The following GNA14 variants were observed in gnomAD, a reference collection of about 807,000 sequenced individuals.
GNA14 encodes the protein G protein subunit alpha 14, also known as guanine nucleotide-binding protein subunit alpha-14.
GNA14 carries 50 observed loss-of-function variants against 42.0 expected under a neutral mutation model. The ratio of observed to expected loss-of-function variants is 1.19; its 90% confidence interval spans 0.95 to 1.51. GNA14 has a LOEUF of 1.51. Ranked by LOEUF, GNA14 falls within the 40% of genes most tolerant of loss-of-function variation. The probability of loss-of-function intolerance (pLI) is 0.00; values close to 1 mark genes in which losing one functional copy is unlikely to be tolerated. For synonymous variants in GNA14, 173 were observed against 163.1 expected (o/e 1.06, Z -0.46); for missense variants, 473 against 446.2 (o/e 1.06, Z -0.54).
chr9:77,545,127 G>A (rs1837705159), intron 1 of GNA14, among the ~76,000 whole-genome samples: 1 of 152,178 alleles, frequency 6.6e-6, no homozygotes, highest in African/African-American at 2.4e-5. Flanking sequence ...AATAAGGCAG[G>A]CACAAAGATG....
At position 77,491,295 on chromosome 9, in the gene GNA14, A is replaced by T. The variant is rs1029735210; in HGVS notation, c.309+37774T>A. On this transcript the variant is annotated intron_variant, in intron 2 of 6. Transcript: ENST00000341700. ...AAAATCCACTGATAAAATTAAGTAC[A>T]TGGACAAATGCAGAATAATACTGTA... is the stretch of plus-strand genomic sequence containing the variant. 2.6e-5 allele frequency among the ~76,000 whole-genome samples: 4 copies of T among 152,374 alleles called. No individual in the cohort carries two copies. In the South Asian group the frequency reaches 8.3e-4, roughly 32 times the overall value.
intron 1 of GNA14, among the ~76,000 whole-genome samples, chr9:77,556,629 C>G (rs1014998984): frequency 6.6e-6 from 1 of 152,152 alleles, no homozygotes; most frequent in Admixed American, 6.5e-5. Flanking sequence ...ACTGTGTGCT[C>G]AGAGTTCTCC....
intron 2 of GNA14, among the ~76,000 whole-genome samples, chr9:77,484,509 C>A (rs1836621557): frequency 6.6e-6 from 1 of 151,916 alleles, no homozygotes; most frequent in South Asian, 2.1e-4. Flanking sequence ...GGTGTGGGTG[C>A]TGTAGGCAGG....
At chr9:77,467,329 C>T (rs542479279) in intron 2 of GNA14, among the ~76,000 whole-genome samples, 1 of 152,080 alleles carries the variant, frequency 6.6e-6, no homozygotes, top group South Asian at 2.1e-4. Flanking sequence ...AATAAATCTA[C>T]ATGTTACTGA....
At chr9:77,486,037 A>C (rs1275199403) in intron 2 of GNA14, among the ~76,000 whole-genome samples, 3 of 152,156 alleles carry the variant, frequency 2.0e-5, no homozygotes, top group Non-Finnish European at 4.4e-5. Context: ...GAAGCACTGA[A>C]CCCAGGCATT....
In GNA14 at chr9:77,610,505, C is replaced by T. The variant is rs114764399; in HGVS notation, c.124+37165G>A. Among the ~76,000 whole-genome samples, 343 of 152,234 alleles carry T rather than the reference C, an allele frequency of 2.3e-3. 2 individuals carry two copies. The highest frequency in any genetic ancestry group is 7.4e-3 in the African/African-American group (309 of 41,532). On this transcript the variant is annotated intron_variant, in intron 1 of 6. Transcript: ENST00000341700. ...GAGCACTAATTCCATTGGACCATGG[C>T]CTCATCTCCATGACTTCATCTAACC...
chr9:77,596,320 GAC>G (rs1327783091), intron 1 of GNA14, among the ~76,000 whole-genome samples: 3 of 152,124 alleles, frequency 2.0e-5, no homozygotes, highest in Non-Finnish European at 4.4e-5. Context: ...TTCAAAGGAT[GAC>G]AGTGTTTTAC....
intron 2 of GNA14, among the ~76,000 whole-genome samples, chr9:77,498,373 C>CAAAAAAAAAAAAAAAAAAA (rs766816001): frequency 9.2e-5 from 5 of 54,116 alleles, no homozygotes; most frequent in Non-Finnish European, 1.8e-4. Context: ...AAGTCTGTCT[C>CAAAAAAAAAAAAAAAAAAA]AAAAAAAAAA....
intron 1 of GNA14, among the ~76,000 whole-genome samples, chr9:77,582,333 C>A (rs1266468258): frequency 6.6e-6 from 1 of 152,142 alleles, no homozygotes; most frequent in Non-Finnish European, 1.5e-5. Context: ...AACTCACTAG[C>A]CTTCCACCTT....
chr9:77,437,589 G>A (rs1835659349), intron 2 of GNA14, among the ~76,000 whole-genome samples: 1 of 150,326 alleles, frequency 6.7e-6, no homozygotes, highest in Non-Finnish European at 1.5e-5. Flanking sequence ...AGGAAGGGAA[G>A]GGAAGGGAAG....
At chr9:77,498,771 T>C (rs1836917759) in intron 2 of GNA14, among the ~76,000 whole-genome samples, 2 of 152,148 alleles carry the variant, frequency 1.3e-5, no homozygotes, top group Non-Finnish European at 2.9e-5. Context: ...GTGATGACCA[T>C]TTTCGGAGCC....
rs1835441848 is a variant in GNA14, at chr9:77,425,634, A to G, written c.805T>C (p.Leu269=). The change falls in exon 6 of 7, where the codon TTG becomes CTG. Residue 269 remains leucine (L), a synonymous_variant. Transcript: ENST00000341700. The part of the protein sequence containing the change: ...WFLNSSVILF[L]NKKDLLEEKI... ...TCTTCCAAAAGATCCTTCTTGTTCAAGAATAAAATCACAGACGAATTCAGA... is the reference window on the plus strand; with the variant it reads ...TCTTCCAAAAGATCCTTCTTGTTCAGGAATAAAATCACAGACGAATTCAGA... 6.2e-7 allele frequency: 1 copy of G among 1,609,480 alleles called. No homozygotes were observed. The highest frequency in any genetic ancestry group is 8.5e-7 in the Non-Finnish European group (1 of 1,175,796).
At chr9:77,436,004 C>T (rs546052127) in intron 2 of GNA14, among the ~76,000 whole-genome samples, 16 of 152,262 alleles carry the variant, frequency 1.1e-4, no homozygotes, top group South Asian at 8.3e-4. Flanking sequence ...CAAGTGTAGA[C>T]GGTACCTCCT....
rs1008717311 is a variant in GNA14, at chr9:77,626,154, A to C, written c.124+21516T>G. On this transcript the variant is annotated intron_variant, in intron 1 of 6. Coordinates refer to ENST00000341700, the MANE Select transcript of GNA14 (RefSeq NM_004297.4). The stretch of plus-strand genomic sequence containing the variant: ...CAAAAGAGACAAATAAGGGCATTAC[A>C]TAATGGTAAAGGGATCAATGCAAAA... Among the ~76,000 whole-genome samples the C allele has an allele frequency of 8.5e-5, 13 of 152,366 alleles. No individual in the cohort carries two copies. In the East Asian group the frequency reaches 1.9e-3, roughly 23 times the overall value.
At chr9:77,492,150 A>G (rs2377916) in intron 2 of GNA14, among the ~76,000 whole-genome samples, 44,916 of 151,976 alleles carry the variant, frequency 0.3, 6,858 homozygotes, top group East Asian at 0.48. Flanking sequence ...TATGTGATAC[A>G]GCAAAAGCAG....
chr9:77,460,180 C>T (rs920371068), intron 2 of GNA14, among the ~76,000 whole-genome samples: 7 of 152,090 alleles, frequency 4.6e-5, no homozygotes, highest in East Asian at 1.9e-4. Flanking sequence ...CATTGAAGTA[C>T]GGATTGAGAT....
intron 1 of GNA14, among the ~76,000 whole-genome samples, chr9:77,552,140 A>G (rs1564051958): frequency 6.6e-6 from 1 of 151,428 alleles, no homozygotes; most frequent in African/African-American, 2.4e-5. Flanking sequence ...AAAAAAAAAA[A>G]AAAAAAGAAA....
At chr9:77,554,284 A>G (rs567046437) in intron 1 of GNA14, among the ~76,000 whole-genome samples, 2 of 152,350 alleles carry the variant, frequency 1.3e-5, no homozygotes, top group South Asian at 4.1e-4. Flanking sequence ...GTAAGTTGGA[A>G]TTATAGTCAC....
At chr9:77,565,860 G>A (rs1822959737) in intron 1 of GNA14, among the ~76,000 whole-genome samples, 2 of 152,278 alleles carry the variant, frequency 1.3e-5, no homozygotes, top group Middle Eastern at 3.4e-3. Flanking sequence ...GGGCATTTAG[G>A]CTTCTTACAG....
Sources: allele counts gnomAD v4.1 joint callset (sites outside exome capture counted in the v4.1 genomes callset), GRCh38; gene constraint gnomAD v4.1.1; transcripts MANE v1.5; gene names NCBI Gene and HGNC (gene_info 2026-07-23, HGNC 2026-07-21).